LNX1: variants seen among roughly 807,000 people sequenced by gnomAD.
LNX1 encodes the protein E3 ubiquitin-protein ligase LNX.
Under a neutral mutation model 68.4 loss-of-function variants are expected in LNX1, and 54 were observed. That is an observed-to-expected ratio of 0.79 (90% confidence interval 0.63 to 0.99). LNX1 has a LOEUF of 0.99. Among genes scored for constraint, LNX1 ranks in the 50% least tolerant of loss-of-function variants. The pLI is 0.00. For synonymous variants in LNX1, 336 were observed against 350.0 expected (o/e 0.96, Z 0.45); for missense variants, 906 against 926.4 (o/e 0.98, Z 0.29).
At chr4:53,466,004 A>G (rs1384697311) in intron 9 of LNX1, among the ~76,000 whole-genome samples, 2 of 152,110 alleles carry the variant, frequency 1.3e-5, no homozygotes, top group Admixed American at 1.3e-4. Context: ...TCAAAAAATT[A>G]TTTTGGCTTT....
intron 2 of LNX1, among the ~76,000 whole-genome samples, chr4:53,571,078 A>T (rs1731132504): frequency 6.7e-6 from 1 of 149,304 alleles, no homozygotes; most frequent in African/African-American, 2.5e-5. Flanking sequence ...TCGCTCTGTC[A>T]CCTAATCTTG....
At chr4:53,518,180 G>A (rs1191224801) in intron 2 of LNX1, among the ~76,000 whole-genome samples, 3 of 152,186 alleles carry the variant, frequency 2.0e-5, no homozygotes, top group Non-Finnish European at 4.4e-5. Context: ...GGCGTGATGT[G>A]CCTTCAAGGT....
exon 1 of LNX1, chr4:53,652,380 G>A (rs1459828241): frequency 6.6e-6 from 1 of 152,292 alleles, no homozygotes; most frequent in African/African-American, 2.4e-5. Context: ...GCTTTGAGTA[G>A]AGCAGATCCA....
intron 2 of LNX1, chr4:53,557,735 G>T: frequency 1.1e-6 from 1 of 949,100 alleles, no homozygotes; most frequent in Non-Finnish European, 1.5e-6. Flanking sequence ...GTTTTAAACT[G>T]CTGGCAGGGT....
Position 53,459,589 on chromosome 4 carries a change from T to A in LNX1, c.*1318A>T, listed in dbSNP as rs1579314752. 8.3e-7 allele frequency: 1 copy of A among 1,211,138 alleles called. No individual in the cohort carries two copies. The highest frequency in any genetic ancestry group is 2.4e-5 in the East Asian group (1 of 42,320). The allele number at this position is 1,211,138 out of a possible 1,614,324, so 75.0% of individuals were successfully genotyped here. On this transcript the variant is annotated 3_prime_UTR_variant, in exon 11 of 11. Transcript: ENST00000263925. ...TGAAAAGTTAACTTTTTTTCCAAAA[T>A]AAAAGAGTGAATTTTTCATGTTAAG... is the stretch of plus-strand genomic sequence containing the variant.
intron 2 of LNX1, among the ~76,000 whole-genome samples, chr4:53,572,185 G>A (rs1291128019): frequency 3.9e-5 from 6 of 152,042 alleles, no homozygotes. Flanking sequence ...TTTGACTCCA[G>A]ACCTACTTCT....
In LNX1 at chr4:53,600,047, C is replaced by T. The variant is rs140348387; in HGVS notation, c.-214-8532G>A. ...CAGCTCAGTAACCTTTTTAAAAAGG[C>T]CCCTCTCCCCAATACCATATGCTTT... On this transcript the variant is annotated intron_variant, in intron 2 of 3. Transcript: ENST00000504299. Among the ~76,000 whole-genome samples the T allele has an allele frequency of 6.5e-3, 990 of 152,230 alleles. 45 individuals carry two copies. Among genetic ancestry groups the T allele is most frequent in the Admixed American group, 0.057 (867 of 15,292 alleles).
chr4:53,493,959 C>T (rs1724877280), intron 6 of LNX1, among the ~76,000 whole-genome samples: 1 of 152,170 alleles, frequency 6.6e-6, no homozygotes, highest in Admixed American at 6.6e-5. Context: ...CTTAGCATGG[C>T]TCGCAATATT....
chr4:53,629,471 G>A (rs564562449), intron 1 of LNX1, among the ~76,000 whole-genome samples: 13 of 152,354 alleles, frequency 8.5e-5, no homozygotes, highest in South Asian at 8.3e-4. Flanking sequence ...CCCAGGCCCT[G>A]CCAAAGCTTG....
chr4:53,617,137 C>G (rs1411558043), intron 1 of LNX1: 6 of 152,178 alleles, frequency 3.9e-5, no homozygotes, highest in South Asian at 4.1e-4. Context: ...GGGACTTACA[C>G]TATTTTGAAG....
chr4:53,552,186 TGTC>T (rs911183867), intron 2 of LNX1, among the ~76,000 whole-genome samples: 91 of 152,288 alleles, frequency 6.0e-4, no homozygotes, highest in African/African-American at 2.1e-3. Flanking sequence ...TTCCAGGACT[TGTC>T]GTCCTCCAGT....
Position 53,573,846 on chromosome 4 carries a change from C to G in LNX1, c.157G>C (p.Asp53His). The part of the protein sequence containing the change: ...ICLQALLDPL[D>H]TPCGHTYCTL... ...CAGTAGGTGTGTCCACACGGAGTGT[C>G]CAGGGGGTCCAGCAAAGCCTGCAGG... The change falls in exon 2 of 11, where the codon GAC becomes CAC. Residue 53 changes from aspartate to histidine, a missense_variant. Coordinates refer to ENST00000263925, the MANE Select transcript of LNX1 (RefSeq NM_001126328.3). 3 of 1,613,658 alleles carry G rather than the reference C, an allele frequency of 1.9e-6. No homozygotes were observed. Among genetic ancestry groups the G allele is most frequent in the Non-Finnish European group, 2.5e-6 (3 of 1,179,798 alleles).
intron 2 of LNX1, among the ~76,000 whole-genome samples, chr4:53,601,249 T>C (rs1733001722): frequency 6.6e-6 from 1 of 152,142 alleles, no homozygotes; most frequent in African/African-American, 2.4e-5. Context: ...TTGTTTGTGA[T>C]GTCTTAATTT....
At position 53,508,243 on chromosome 4, in the gene LNX1, C is replaced by T. The variant is rs1346587675; in HGVS notation, c.381-16G>A. 1.9e-6 allele frequency: 3 copies of T among 1,607,314 alleles called. No homozygotes were observed. The highest frequency in any genetic ancestry group is 1.7e-6 in the Non-Finnish European group (2 of 1,174,626). ...ACCTTTACAGCTGTAACAGAACCAG[C>T]GGGGAGGTGAAGAAGAGCTTTGGCT... On this transcript the variant is annotated splice_polypyrimidine_tract_variant and intron_variant, in intron 2 of 10. Coordinates refer to ENST00000263925, the MANE Select transcript of LNX1 (RefSeq NM_001126328.3).
intron 2 of LNX1, among the ~76,000 whole-genome samples, chr4:53,547,397 T>C (rs1729185506): frequency 6.6e-6 from 1 of 152,158 alleles, no homozygotes; most frequent in African/African-American, 2.4e-5. Context: ...CATTTATAGG[T>C]GAGAAAAGCT....
chr4:53,534,509 G>A (rs1728233847), intron 2 of LNX1, among the ~76,000 whole-genome samples: 1 of 152,166 alleles, frequency 6.6e-6, no homozygotes, highest in Admixed American at 6.5e-5. Context: ...CAAGCATTGA[G>A]GACATGCTTG....
intron 4 of LNX1, among the ~76,000 whole-genome samples, chr4:53,507,021 T>C (rs940868073): frequency 6.6e-6 from 1 of 152,064 alleles, no homozygotes; most frequent in Non-Finnish European, 1.5e-5. Context: ...GTGCCAGTCA[T>C]TGTTTTAAAT....
At chr4:53,593,486 G>C (rs1732607254), upstream of LNX1, among the ~76,000 whole-genome samples, 1 of 152,210 alleles carries the variant, frequency 6.6e-6, no homozygotes, top group Non-Finnish European at 1.5e-5. Context: ...CATATGTGGT[G>C]TGATGAATTG....
chr4:53,590,081 C>T (rs902835303), intron 1 of LNX1, among the ~76,000 whole-genome samples: 1 of 152,092 alleles, frequency 6.6e-6, no homozygotes, highest in Non-Finnish European at 1.5e-5. Flanking sequence ...CCAAACCCCC[C>T]CCCTTAAACT....
Sources: allele counts gnomAD v4.1 joint callset (sites outside exome capture counted in the v4.1 genomes callset), GRCh38; gene constraint gnomAD v4.1.1; transcripts MANE v1.5; gene names NCBI Gene and HGNC (gene_info 2026-07-23, HGNC 2026-07-21).